TPCN1: variants seen among roughly 807,000 people sequenced by gnomAD.
TPCN1 encodes the protein two pore segment channel 1, also known as two pore channel protein 1.
In TPCN1, 52 loss-of-function variants were observed where a neutral mutation model predicts 108.8. That is an observed-to-expected ratio of 0.48 (90% CI 0.38 to 0.60). The LOEUF (loss-of-function observed/expected upper bound fraction) is 0.60, where lower values mean the gene tolerates loss of function less well. Among genes scored for constraint, TPCN1 ranks in the 20% least tolerant of loss-of-function variants. TPCN1 has a pLI of 0.00. For missense variants in TPCN1, 806 were observed against 1,072.8 expected (o/e 0.75, Z 3.47); for synonymous variants, 446 against 433.7 (o/e 1.03, Z -0.35).
In TPCN1 at chr12:113,273,039, C is replaced by T. The variant is rs1030888339; in HGVS notation, c.784-193C>T. ...CCCCAAGTCAATAGTTTGCTTCTGC[C>T]GGAAGCATCAGGTGCAGGAAAGGGG... On this transcript the variant is annotated intron_variant, in intron 8 of 27. Transcript: ENST00000335509. This position sits in a 1 kb window ranked among gnomAD's most constrained non-coding sequence, Gnocchi z 4.0. 2.0e-5 allele frequency among the ~76,000 whole-genome samples: 3 copies of T among 152,208 alleles called. No individual in the cohort carries two copies. Among genetic ancestry groups the T allele is most frequent in the Non-Finnish European group, 2.9e-5 (2 of 68,034 alleles).
At chr12:113,274,835 G>A (rs1030289333) in intron 10 of TPCN1, among the ~76,000 whole-genome samples, 1 of 152,234 alleles carries the variant, frequency 6.6e-6, no homozygotes, top group Non-Finnish European at 1.5e-5. Context: ...TCATCCCAGA[G>A]CCCTGTTCCT....
At chr12:113,253,650 C>G (rs1954728559) in intron 2 of TPCN1, among the ~76,000 whole-genome samples, 1 of 152,148 alleles carries the variant, frequency 6.6e-6, no homozygotes, top group Non-Finnish European at 1.5e-5. Context: ...TGCTCGGTTC[C>G]ACAAGTAAGT....
intron 27 of TPCN1, 43 bp from the exon 28 acceptor site, chr12:113,295,896 TGTGGGGTGGGCGGGGCAGGGG>T (rs958742654): frequency 1.4e-4 from 197 of 1,392,080 alleles, no homozygotes; most frequent in Non-Finnish European, 1.8e-4. Flanking sequence ...TGTGTGACCT[TGTGGGGTGGGCGGGGCAGGGG>T]GTGGGGTGCA....
At chr12:113,291,529 G>C (rs552487208) in intron 23 of TPCN1, 80 bp from the exon 24 acceptor site, 3 of 1,247,502 alleles carry the variant, frequency 2.4e-6, no homozygotes, top group Non-Finnish European at 3.4e-6. Flanking sequence ...GCGAAGAGCC[G>C]GGGCCATGGA....
chr12:113,288,107 GC>G lies in TPCN1; in HGVS notation c.1635-55del. 1 of 1,531,916 alleles carries G rather than the reference GC, an allele frequency of 6.5e-7. No individual in the cohort carries two copies. Among genetic ancestry groups the G allele is most frequent in the Non-Finnish European group, 8.9e-7 (1 of 1,118,806 alleles). 94.9% of individuals were successfully genotyped at this position (1,531,916 alleles called of 1,614,324 possible). ...AAGGCGGGGCCGGCATGTTCTGAGG[GC>G]GGGGGCTGAGGCGTGCACCTGTGTG... is the stretch of plus-strand genomic sequence containing the variant. On this transcript the variant is annotated intron_variant, in intron 19 of 27. Coordinates refer to ENST00000335509, the MANE Select transcript of TPCN1 (RefSeq NM_017901.6). This position sits in a 1 kb window ranked among gnomAD's most constrained non-coding sequence, Gnocchi z 4.8.
At position 113,289,085 on chromosome 12, in the gene TPCN1, C is replaced by T. The variant is rs532243001; in HGVS notation, c.1796+238C>T. 1.6e-4 allele frequency among the ~76,000 whole-genome samples: 24 copies of T among 152,340 alleles called. No homozygotes were observed. Among genetic ancestry groups the T allele is most frequent in the Non-Finnish European group, 1.5e-5 (1 of 68,032 alleles). On this transcript the variant is annotated intron_variant, in intron 21 of 27. Coordinates refer to ENST00000335509, the MANE Select transcript of TPCN1 (RefSeq NM_017901.6). The surrounding 1 kb of genome is among the most constrained non-coding windows in gnomAD (Gnocchi z 4.1). ...TGGGAGCTGTCAGCTCACCCTCTGCCGAGGGCTGGAGGCCACCCCCACAGT... is the reference window on the plus strand; with the variant it reads ...TGGGAGCTGTCAGCTCACCCTCTGCTGAGGGCTGGAGGCCACCCCCACAGT...
rs1366543904 is a variant in TPCN1, at chr12:113,296,870, C to T, written c.*794C>T. ...CCGATGTCTGCAACCCAGACCACTTCGTGGAATGGGCTCTTGACCAAATCC... is the reference window on the plus strand; with the variant it reads ...CCGATGTCTGCAACCCAGACCACTTTGTGGAATGGGCTCTTGACCAAATCC... On this transcript the variant is annotated 3_prime_UTR_variant, in exon 28 of 28. Transcript: ENST00000335509. 1 of 152,264 alleles carries T rather than the reference C, an allele frequency of 6.6e-6. No individual in the cohort carries two copies. Among genetic ancestry groups the T allele is most frequent in the Admixed American group, 6.5e-5 (1 of 15,284 alleles). The allele number at this position is 152,264 out of a possible 1,614,324, so 9.4% of individuals were successfully genotyped here.
intron 14 of TPCN1, among the ~76,000 whole-genome samples, chr12:113,279,365 A>G (rs552921029): frequency 0.021 from 531 of 25,694 alleles, 2 homozygotes; most frequent in African/African-American, 0.074. Flanking sequence ...GTGTGTATAT[A>G]TATATATATA....
intron 2 of TPCN1, among the ~76,000 whole-genome samples, chr12:113,241,297 A>G (rs1026857723): frequency 1.3e-5 from 2 of 152,220 alleles, no homozygotes; most frequent in African/African-American, 2.4e-5. Context: ...CAATGTGCCC[A>G]TGCTTGCTTC....
chr12:113,277,991 G>T (rs928880783), intron 12 of TPCN1, among the ~76,000 whole-genome samples, 198 bp from the exon 13 acceptor site: 3 of 152,110 alleles, frequency 2.0e-5, no homozygotes, highest in African/African-American at 4.8e-5. Context: ...TTACATATTT[G>T]TAGTACCTCA....
chr12:113,286,866 C>T (rs1368856018), intron 18 of TPCN1, 121 bp from the exon 19 acceptor site: 1 of 698,576 alleles, frequency 1.4e-6, no homozygotes. Flanking sequence ...CCGGCTGGTT[C>T]CTGTTGGTGT....
rs1238008143 is a variant in TPCN1 at position 113,297,584 on chromosome 12, C to CGGCA, written c.*1509_*1512dup. On this transcript the variant is annotated 3_prime_UTR_variant, in exon 28 of 28. Transcript: ENST00000335509. The surrounding 1 kb of genome is among the most constrained non-coding windows in gnomAD (Gnocchi z 4.4). The stretch of plus-strand genomic sequence containing the variant: ...GCCAAGCTGGGTCCCATAGCCAGCA[C>CGGCA]GGCATGGTTCTCCCCTTCCCCCCTT... 1.3e-5 allele frequency: 2 copies of CGGCA among 152,648 alleles called. No homozygotes were observed. The highest frequency in any genetic ancestry group is 3.9e-4 in the East Asian group (2 of 5,158). The allele number at this position is 152,648 out of a possible 1,614,324, so 9.5% of individuals were successfully genotyped here. A position where few individuals can be genotyped will look rare whatever the true frequency, so the allele number is the denominator to read the frequency against.
At chr12:113,227,544 A>G (rs1953518339) in intron 2 of TPCN1, among the ~76,000 whole-genome samples, 1 of 152,130 alleles carries the variant, frequency 6.6e-6, no homozygotes. Context: ...AAGGAGCTTT[A>G]AATTTTTTAA....
chr12:113,277,460 C>G, intron 12 of TPCN1, 96 bp downstream of exon 12: 1 of 1,482,780 alleles, frequency 6.7e-7, no homozygotes, highest in Non-Finnish European at 9.3e-7. Context: ...GTGGGCAGGC[C>G]TATAGGCTTG....
At chr12:113,242,961 T>G (rs1450109662) in intron 2 of TPCN1, among the ~76,000 whole-genome samples, 1 of 152,260 alleles carries the variant, frequency 6.6e-6, no homozygotes, top group Non-Finnish European at 1.5e-5. Flanking sequence ...GCGAGGGCCA[T>G]GGTTTCACCT....
chr12:113,268,665 C>G lies in TPCN1; in HGVS notation c.529-77C>G, dbSNP rs1955372658. On this transcript the variant is annotated intron_variant, in intron 5 of 27. Coordinates refer to ENST00000335509, the MANE Select transcript of TPCN1 (RefSeq NM_017901.6). The surrounding 1 kb of genome is among the most constrained non-coding windows in gnomAD (Gnocchi z 7.3). The stretch of plus-strand genomic sequence containing the variant: ...CGAGGCCAGAGTGGGCACTGCCTCT[C>G]CAGCCCCCCGTTCCAGGTATGCAGG... The G allele has an allele frequency of 6.4e-7, 1 of 1,572,924 alleles. No individual in the cohort carries two copies. Among genetic ancestry groups the G allele is most frequent in the Non-Finnish European group, 8.6e-7 (1 of 1,158,492 alleles).
At chr12:113,230,956 C>T (rs1440487449) in intron 2 of TPCN1, among the ~76,000 whole-genome samples, 1 of 152,248 alleles carries the variant, frequency 6.6e-6, no homozygotes, top group Admixed American at 6.5e-5. Context: ...GCTCTCAGCA[C>T]AGCTGAGTGT....
Position 113,269,649 on chromosome 12 carries a change from G to A in TPCN1, c.660-108G>A, listed in dbSNP as rs553965315. On this transcript the variant is annotated intron_variant, in intron 6 of 27. Transcript: ENST00000335509. The surrounding 1 kb of genome is among the most constrained non-coding windows in gnomAD (Gnocchi z 5.0). ...ATGATGTCACACCAGAGTGCGTCAG[G>A]GTTTAGTATTTCGAGTCAGAAGCAC... is the stretch of plus-strand genomic sequence containing the variant. 552 of 932,502 alleles carry A rather than the reference G, an allele frequency of 5.9e-4. 2 individuals are homozygous for A. Among genetic ancestry groups the A allele is most frequent in the Non-Finnish European group, 7.9e-4 (471 of 597,652 alleles). The allele number at this position is 932,502 out of a possible 1,614,324, so 57.8% of individuals were successfully genotyped here.
rs115549921 is a variant in TPCN1 at position 113,265,158 on chromosome 12, A to G, written c.238-1022A>G. On this transcript the variant is annotated intron_variant, in intron 3 of 27. Transcript: ENST00000335509. ...CTCTTGATGGGTGTTAAAGGGTCTG[A>G]CTAGGCAGGGTTATTGGCTTCTTTT... 4.7e-3 allele frequency among the ~76,000 whole-genome samples: 716 copies of G among 152,268 alleles called. 2 individuals are homozygous for G. Among genetic ancestry groups the G allele is most frequent in the African/African-American group, 0.016 (676 of 41,544 alleles).
Sources: allele counts gnomAD v4.1 joint callset (sites outside exome capture counted in the v4.1 genomes callset), GRCh38; gene constraint gnomAD v4.1.1; non-coding constraint Gnocchi (gnomAD v3.1); transcripts MANE v1.5; gene names NCBI Gene and HGNC (gene_info 2026-07-23, HGNC 2026-07-21).